Variants in CCDC192 observed in about 807,000 individuals in gnomAD.
CCDC192 encodes the protein coiled-coil domain-containing protein 192.
At chr5:127,839,814 C>A (rs1316895361) in intron 5 of CCDC192, among the ~76,000 whole-genome samples, 1 of 151,624 alleles carries the variant, frequency 6.6e-6, no homozygotes, top group African/African-American at 2.4e-5. Context: ...ATATATGATC[C>A]TTTTATGTAC....
chr5:127,737,313 G>T (rs943624361), intron 2 of CCDC192, among the ~76,000 whole-genome samples: 1 of 152,070 alleles, frequency 6.6e-6, no homozygotes, highest in Admixed American at 6.6e-5. Context: ...TATAATTTCT[G>T]TTCTTTTACA....
intron 5 of CCDC192, among the ~76,000 whole-genome samples, chr5:127,864,482 G>A (rs893395158): frequency 6.6e-6 from 1 of 152,196 alleles, no homozygotes; most frequent in Non-Finnish European, 1.5e-5. Context: ...TCAGCTTCAT[G>A]TGCTGTCTTT....
At chr5:127,764,218 G>A (rs1755085981) in intron 3 of CCDC192, among the ~76,000 whole-genome samples, 1 of 152,188 alleles carries the variant, frequency 6.6e-6, no homozygotes. Flanking sequence ...AGAGAAAACA[G>A]TGAGGGACTG....
At chr5:127,823,006 C>T (rs1034517646) in intron 5 of CCDC192, among the ~76,000 whole-genome samples, 1 of 152,244 alleles carries the variant, frequency 6.6e-6, no homozygotes, top group East Asian at 1.9e-4. Context: ...CCTCAAGAAA[C>T]GCCCCAAATC....
intron 5 of CCDC192, among the ~76,000 whole-genome samples, chr5:127,846,924 GA>G (rs766797089): frequency 8.0e-5 from 12 of 150,280 alleles, no homozygotes; most frequent in Non-Finnish European, 1.6e-4. Flanking sequence ...TTCTACCTTG[GA>G]AAAAGGTCGA....
intron 5 of CCDC192, among the ~76,000 whole-genome samples, chr5:127,800,407 A>AC (rs1757443433): frequency 1.4e-5 from 2 of 145,558 alleles, no homozygotes; most frequent in Admixed American, 1.4e-4. Flanking sequence ...AAAAACAACA[A>AC]CAACAAAAAG....
intron 5 of CCDC192, among the ~76,000 whole-genome samples, chr5:127,839,576 T>C (rs1485860552): frequency 6.6e-6 from 1 of 152,126 alleles, no homozygotes; most frequent in Non-Finnish European, 1.5e-5. Flanking sequence ...TAATCATTGG[T>C]TTTTAAAATA....
intron 5 of CCDC192, among the ~76,000 whole-genome samples, chr5:127,870,530 T>C (rs1478510741): frequency 6.6e-6 from 1 of 152,246 alleles, no homozygotes; most frequent in African/African-American, 2.4e-5. Flanking sequence ...CTACTCACTA[T>C]ACAACAAGGA....
rs1756530507 is a variant in CCDC192 at position 127,786,277 on chromosome 5, G to A, written c.223-10826G>A. ...AGCCTCTGCCTTATTCATATATTCA[G>A]TAACTGGGTTCTGCTGCAAGAATTC... On this transcript the variant is annotated intron_variant, in intron 3 of 6. Transcript: ENST00000514853. 4 of 639,496 alleles carry A rather than the reference G, an allele frequency of 6.3e-6. No individual in the cohort carries two copies. In the East Asian group the frequency reaches 7.9e-5, roughly 13 times the overall value. The allele number at this position is 639,496 out of a possible 1,614,324, so 39.6% of individuals were successfully genotyped here. A position where few individuals can be genotyped will look rare whatever the true frequency, so the allele number is the denominator to read the frequency against.
chr5:127,716,865 T>C (rs1323202026), intron 2 of CCDC192, among the ~76,000 whole-genome samples: 1 of 152,206 alleles, frequency 6.6e-6, no homozygotes, highest in East Asian at 1.9e-4. Context: ...AAGCCTCTGT[T>C]GTATTTTTCC....
chr5:127,912,635 TAAG>T (rs915950379), intron 6 of CCDC192, among the ~76,000 whole-genome samples: 4 of 152,136 alleles, frequency 2.6e-5, no homozygotes, highest in African/African-American at 4.8e-5. Context: ...CTTGTGGTGA[TAAG>T]AAGGTGTTCA....
intron 3 of CCDC192, among the ~76,000 whole-genome samples, chr5:127,790,631 T>C (rs149389228): frequency 1.6e-4 from 25 of 152,340 alleles, no homozygotes; most frequent in African/African-American, 6.0e-4. Context: ...TCCCAGCCTC[T>C]GGTAACTACC....
intron 6 of CCDC192, among the ~76,000 whole-genome samples, chr5:127,890,453 T>TAAAAA (rs35655743): frequency 5.1e-5 from 7 of 135,960 alleles, no homozygotes; most frequent in African/African-American, 5.4e-5. Context: ...ACCCTGTATT[T>TAAAAA]AAAAAAAAAA....
intron 5 of CCDC192, among the ~76,000 whole-genome samples, 160 bp from the exon 6 acceptor site, chr5:127,875,378 T>G (rs1309570756): frequency 6.6e-6 from 1 of 152,208 alleles, no homozygotes; most frequent in Non-Finnish European, 1.5e-5. Flanking sequence ...GCACATACAC[T>G]GTTTCACAAA....
At chr5:127,862,336 C>T (rs1751404192) in intron 5 of CCDC192, among the ~76,000 whole-genome samples, 1 of 152,192 alleles carries the variant, frequency 6.6e-6, no homozygotes, top group South Asian at 2.1e-4. Context: ...ATCTCTACTT[C>T]CCCCAAAACA....
At chr5:127,921,676 C>T (rs1753725496) in intron 6 of CCDC192, among the ~76,000 whole-genome samples, 1 of 152,168 alleles carries the variant, frequency 6.6e-6, no homozygotes, top group Non-Finnish European at 1.5e-5. Flanking sequence ...CTGACACACA[C>T]GGAGGGGCTG....
At chr5:127,843,923 G>C (rs1750415088) in intron 5 of CCDC192, among the ~76,000 whole-genome samples, 1 of 152,204 alleles carries the variant, frequency 6.6e-6, no homozygotes, top group African/African-American at 2.4e-5. Flanking sequence ...CCATATTCTA[G>C]TTTAACTGTT....
intron 5 of CCDC192, among the ~76,000 whole-genome samples, chr5:127,847,009 G>A (rs951346342): frequency 8.6e-5 from 13 of 152,026 alleles, no homozygotes; most frequent in African/African-American, 2.9e-4. Flanking sequence ...AACTGGTCCC[G>A]TGTTTATTTT....
At chr5:127,789,032 C>T (rs1756721683) in intron 3 of CCDC192, among the ~76,000 whole-genome samples, 1 of 152,086 alleles carries the variant, frequency 6.6e-6, no homozygotes, top group Non-Finnish European at 1.5e-5. Flanking sequence ...GAAAGAGGGG[C>T]CTCACAAGAC....
Sources: allele counts gnomAD v4.1 joint callset (sites outside exome capture counted in the v4.1 genomes callset), GRCh38; gene constraint gnomAD v4.1.1; transcripts MANE v1.5; gene names NCBI Gene and HGNC (gene_info 2026-07-23, HGNC 2026-07-21).